Variants in SERPINB2 observed in about 807,000 individuals in gnomAD.
The protein encoded by SERPINB2 is serpin family B member 2.
SERPINB2 carries 28 observed loss-of-function variants against 39.4 expected under a neutral mutation model. The ratio of observed to expected loss-of-function variants is 0.71; its 90% confidence interval spans 0.53 to 0.97. SERPINB2 has a LOEUF of 0.97. Among genes scored for constraint, SERPINB2 ranks in the 50% least tolerant of loss-of-function variants. SERPINB2 has a pLI of 0.00. For synonymous variants in SERPINB2, 209 were observed against 175.1 expected, an observed-to-expected ratio of 1.19 and a Z score of -1.53; for missense variants, 557 against 505.3, an observed-to-expected ratio of 1.10 and a Z score of -0.98.
At position 63,897,091 on chromosome 18, in the gene SERPINB2, G is replaced by T. The variant is rs866180215; in HGVS notation, c.289G>T (p.Ala97Ser). The change falls in exon 4 of 8, where the codon GCA becomes TCA. Residue 97 changes from alanine (A) to serine (S), a missense_variant and splice_region_variant. By Grantham distance (99) the Ala-to-Ser change is moderately conservative. Transcript: ENST00000299502. Reference protein sequence around the residue: ...KGSYPDAILQAQAADKIHSSF... With the variant: ...KGSYPDAILQSQAADKIHSSF... Reference sequence around the variant, plus strand: ...AAAGAATTCCTTCTTTCTTTTCAAGGCACAAGCTGCAGATAAAATCCATTC... The same window carrying T: ...AAAGAATTCCTTCTTTCTTTTCAAGTCACAAGCTGCAGATAAAATCCATTC... 6.2e-7 allele frequency: 1 copy of T among 1,611,394 alleles called. No individual in the cohort carries two copies. The highest frequency in any genetic ancestry group is 8.5e-7 in the Non-Finnish European group (1 of 1,178,518).
At chr18:63,902,355 C>T (rs369937318) in intron 6 of SERPINB2, 49 bp from the exon 7 acceptor site, 1 of 1,464,002 alleles carries the variant, frequency 6.8e-7, no homozygotes, top group Non-Finnish European at 9.2e-7. Context: ...TTGTAAATCT[C>T]TTGATATCTT....
At chr18:63,900,906 G>C (rs1038104488) in intron 5 of SERPINB2, among the ~76,000 whole-genome samples, 1 of 152,126 alleles carries the variant, frequency 6.6e-6, no homozygotes, top group Non-Finnish European at 1.5e-5. Context: ...GCATTGTAAC[G>C]TTGGGAAGAC....
intron 5 of SERPINB2, among the ~76,000 whole-genome samples, chr18:63,900,623 G>A (rs1568237726): frequency 2.0e-5 from 3 of 152,112 alleles, no homozygotes; most frequent in Admixed American, 2.0e-4. Context: ...AGGGAACGGG[G>A]AATAACTTTT....
chr18:63,887,731 C>T lies in SERPINB2; in HGVS notation c.-49C>T, dbSNP rs111899470. ...TAACAACTCTCAGAGGAGCATTGCC[C>T]GTCAGACAGCAACTCAGAGAATAAC... is the stretch of plus-strand genomic sequence containing the variant. On this transcript the variant is annotated 5_prime_UTR_variant, in exon 1 of 8. Coordinates refer to ENST00000299502, the MANE Select transcript of SERPINB2 (RefSeq NM_002575.3). 2.6e-5 allele frequency: 4 copies of T among 152,100 alleles called. No individual in the cohort carries two copies. Among genetic ancestry groups the T allele is most frequent in the East Asian group, 1.9e-4 (1 of 5,200 alleles). 9.4% of individuals were successfully genotyped at this position (152,100 alleles called of 1,614,324 possible).
At chr18:63,901,214 T>TC (rs1226704969) in intron 5 of SERPINB2, among the ~76,000 whole-genome samples, 2 of 152,136 alleles carry the variant, frequency 1.3e-5, no homozygotes, top group African/African-American at 4.8e-5. Flanking sequence ...TTTGAATGTC[T>TC]CCCCCAGTGT....
intron 1 of SERPINB2, chr18:63,889,789 A>G (rs2144693147): frequency 6.6e-6 from 1 of 152,202 alleles, no homozygotes; most frequent in South Asian, 2.1e-4. Context: ...TAAGCCTTCT[A>G]GTAGAATTAC....
At chr18:63,890,244 C>G (rs2049917192) in intron 1 of SERPINB2, 1 of 152,196 alleles carries the variant, frequency 6.6e-6, no homozygotes, top group Non-Finnish European at 1.5e-5. Flanking sequence ...AGGGTTCACG[C>G]AAGAAAGAAG....
rs369312314 is a variant in SERPINB2, at chr18:63,895,392, C to T, written c.288+9C>T. On this transcript the variant is annotated intron_variant, in intron 3 of 7. Transcript: ENST00000299502. ...CTGATGCGATTTTGCAGGTATCTGA[C>T]TTACTGGTCCAAATTTCTTTTGTGG... 3.7e-6 allele frequency: 6 copies of T among 1,613,792 alleles called. No homozygotes were observed. In the African/African-American group the frequency reaches 4.0e-5, roughly 11 times the overall value.
chr18:63,890,487 T>C (rs1283888222), intron 1 of SERPINB2: 2 of 152,164 alleles, frequency 1.3e-5, no homozygotes, highest in Admixed American at 6.5e-5. Flanking sequence ...AAGCAAAACA[T>C]ACAGCTGGAA....
chr18:63,901,107 G>A lies in SERPINB2; in HGVS notation c.536-633G>A, dbSNP rs546415751. ...TGTCATTGTTTCTGTCAATCTTCTC[G>A]GGCTTACTCCTTCACTCCCTTCTCT... On this transcript the variant is annotated intron_variant, in intron 5 of 7. Coordinates refer to ENST00000299502, the MANE Select transcript of SERPINB2 (RefSeq NM_002575.3). 2.6e-5 allele frequency among the ~76,000 whole-genome samples: 4 copies of A among 151,672 alleles called. No homozygotes were observed. In the South Asian group the frequency reaches 8.4e-4, roughly 32 times the overall value.
In SERPINB2 at chr18:63,889,512, G is replaced by A. The variant is rs1027781; in HGVS notation, c.-10+1742G>A. 5.1e-3 allele frequency among the ~76,000 whole-genome samples: 772 copies of A among 152,260 alleles called. 9 individuals carry two copies. Among genetic ancestry groups the A allele is most frequent in the Middle Eastern group, 0.01 (3 of 294 alleles). On this transcript the variant is annotated intron_variant, in intron 1 of 7. Coordinates refer to ENST00000299502, the MANE Select transcript of SERPINB2 (RefSeq NM_002575.3). ...AAGAATCACGTATTTAGGTATGGGA[G>A]AAGTCTAAATTTATGTTTGTGGCTC...
chr18:63,901,050 C>A (rs2049988156), intron 5 of SERPINB2, among the ~76,000 whole-genome samples: 1 of 152,060 alleles, frequency 6.6e-6, no homozygotes, highest in Admixed American at 6.6e-5. Flanking sequence ...CTTCTTAAAC[C>A]AATTTCATTT....
rs772083415 is a variant in SERPINB2 at position 63,903,329 on chromosome 18, A to C, written c.*24A>C. ...AAAACTAAGCGTGCTGCTTCTGCAA[A>C]AGATTTTTGTAGATGAGCTGTGTGC... On this transcript the variant is annotated 3_prime_UTR_variant, in exon 8 of 8. Transcript: ENST00000299502. 1 of 1,473,930 alleles carries C rather than the reference A, an allele frequency of 6.8e-7. No homozygotes were observed. Among genetic ancestry groups the C allele is most frequent in the Non-Finnish European group, 9.0e-7 (1 of 1,112,824 alleles). The allele number at this position is 1,473,930 out of a possible 1,614,324, so 91.3% of individuals were successfully genotyped here.
In SERPINB2 at chr18:63,902,452, A is replaced by C. The variant is rs757846488; in HGVS notation, c.727A>C (p.Ile243Leu). The C allele has an allele frequency of 8.7e-6, 14 of 1,613,472 alleles. No individual in the cohort carries two copies. The South Asian group carries it at 1.1e-4, about 13-fold the overall frequency. The change falls in exon 7 of 8, where the codon ATT (isoleucine) becomes CTT (leucine). Residue 243 changes from isoleucine (I) to leucine (L), a missense_variant. Coordinates refer to ENST00000299502, the MANE Select transcript of SERPINB2 (RefSeq NM_002575.3). ...GATGTACTTGCGTGAAAAGCTAAAC[A>C]TTGGATACATAGAAGACCTAAAGGC... ...QMMYLREKLNIGYIEDLKAQI... is the reference protein window; with the variant it reads ...QMMYLREKLNLGYIEDLKAQI...
chr18:63,889,922 A>G (rs1278264930), intron 1 of SERPINB2: 1 of 152,082 alleles, frequency 6.6e-6, no homozygotes, highest in Non-Finnish European at 1.5e-5. Context: ...GGAACATTGG[A>G]AAGAGTGGGC....
chr18:63,895,451 A>G, intron 3 of SERPINB2, 68 bp downstream of exon 3: 1 of 1,597,214 alleles, frequency 6.3e-7, no homozygotes, highest in South Asian at 1.1e-5. Flanking sequence ...TTAAAGCCAC[A>G]GTGTCAGACT....
rs777294445 is a variant in SERPINB2, at chr18:63,891,435, G to C, written c.-9-1G>C. On this transcript the variant is annotated splice_acceptor_variant, in intron 1 of 7. Coordinates refer to ENST00000299502, the MANE Select transcript of SERPINB2 (RefSeq NM_002575.3). LOFTEE classifies it low-confidence loss of function (5UTR_SPLICE). ...TTTTTTCTTCCTCTCTTTGCTTCTA[G>C]ATTGAAACAATGGAGGATCTTTGTG... 1.9e-6 allele frequency: 3 copies of C among 1,613,860 alleles called. No homozygotes were observed. The highest frequency in any genetic ancestry group is 1.7e-4 in the Middle Eastern group (1 of 6,058).
intron 4 of SERPINB2, among the ~76,000 whole-genome samples, chr18:63,897,426 C>T (rs907444582): frequency 1.3e-5 from 2 of 152,170 alleles, no homozygotes; most frequent in South Asian, 2.1e-4. Flanking sequence ...ATCTCAGAGT[C>T]ATAAATCAGG....
rs1393240146 is a variant in SERPINB2, at chr18:63,901,772, G to A, written c.568G>A (p.Val190Ile). The A allele has an allele frequency of 6.3e-7, 1 of 1,579,496 alleles. No individual in the cohort carries two copies. The highest frequency in any genetic ancestry group is 8.5e-7 in the Non-Finnish European group (1 of 1,170,806). ...KIPNLLPEGS[V>I]DGDTRMVLVN... ...CCCAAACTTGTTACCTGAAGGTTCTGTAGATGGGGATACCAGGATGGTCCT... is the reference window on the plus strand; with the variant it reads ...CCCAAACTTGTTACCTGAAGGTTCTATAGATGGGGATACCAGGATGGTCCT... The change falls in exon 6 of 8, where the codon GTA (valine) becomes ATA (isoleucine). Residue 190 changes from valine (V) to isoleucine (I), a missense_variant. Physicochemically the swap from Val to Ile is conservative, Grantham distance 29. Coordinates refer to ENST00000299502, the MANE Select transcript of SERPINB2 (RefSeq NM_002575.3).
Sources: gnomAD v4.1 joint callset for allele counts (sites outside exome capture counted in the v4.1 genomes callset) on GRCh38, gnomAD v4.1.1 for gene constraint, MANE v1.5 for transcripts, NCBI Gene and HGNC (gene_info 2026-07-23, HGNC 2026-07-21) for gene names.